TBC1D16: variants seen among roughly 807,000 people sequenced by gnomAD.
TBC1D16 encodes the protein CTD-2529O21.1.
TBC1D16 carries 58 observed loss-of-function variants against 74.7 expected under a neutral mutation model. The observed-to-expected ratio is 0.78, with a 90% CI of 0.63 to 0.97. The LOEUF is 0.97. Among genes scored for constraint, TBC1D16 ranks in the 50% least tolerant of loss-of-function variants. The pLI is 0.00. For missense variants in TBC1D16, 1,014 were observed against 1,079.5 expected, an observed-to-expected ratio of 0.94 and a Z score of 0.85; for synonymous variants, 493 against 474.7, an observed-to-expected ratio of 1.04 and a Z score of -0.50.
In TBC1D16 at chr17:79,960,518, A is replaced by G. The variant is rs1298834250; in HGVS notation, c.780-7700T>C. Reference sequence around the variant, plus strand: ...AGCTTGTAATCCCAGCATTTTGGGAAGCTGAGGCGGGTGGGTCACCTGAGC... The same window carrying G: ...AGCTTGTAATCCCAGCATTTTGGGAGGCTGAGGCGGGTGGGTCACCTGAGC... On this transcript the variant is annotated intron_variant, in intron 3 of 11. Coordinates refer to ENST00000310924, the MANE Select transcript of TBC1D16 (RefSeq NM_019020.4). Among the ~76,000 whole-genome samples the G allele has an allele frequency of 2.6e-5, 4 of 152,168 alleles. No individual in the cohort carries two copies. The East Asian group carries it at 7.7e-4, about 29-fold the overall frequency.
Position 79,941,928 on chromosome 17 carries a change from G to C in TBC1D16, c.2055+132C>G. On this transcript the variant is annotated intron_variant, in intron 11 of 11. Transcript: ENST00000310924. This position sits in a 1 kb window ranked among gnomAD's most constrained non-coding sequence, Gnocchi z 4.3. ...ATGGGTGGGGGAGGGCACGTGCTGGGGGGCCATGGTGGGGATGGGGCTCTG... is the reference window on the plus strand; with the variant it reads ...ATGGGTGGGGGAGGGCACGTGCTGGCGGGCCATGGTGGGGATGGGGCTCTG... The C allele has an allele frequency of 3.8e-6, 3 of 799,376 alleles. No homozygotes were observed. The highest frequency in any genetic ancestry group is 4.0e-6 in the Non-Finnish European group (2 of 502,072). 49.5% of individuals were successfully genotyped at this position (799,376 alleles called of 1,614,324 possible).
At chr17:80,017,197 ACT>A (rs1243764434) in intron 1 of TBC1D16, among the ~76,000 whole-genome samples, 2 of 151,244 alleles carry the variant, frequency 1.3e-5, no homozygotes, top group Non-Finnish European at 2.9e-5. Context: ...AATGCTTTGG[ACT>A]CTCTGGGCCG....
intron 1 of TBC1D16, among the ~76,000 whole-genome samples, chr17:80,026,952 G>A (rs965638218): frequency 3.6e-5 from 5 of 140,054 alleles, no homozygotes; most frequent in African/African-American, 9.9e-5. Context: ...GAACAGAGGC[G>A]GGGGCAGCCA....
At chr17:79,998,922 A>G (rs2035378367) in intron 3 of TBC1D16, among the ~76,000 whole-genome samples, 1 of 152,208 alleles carries the variant, frequency 6.6e-6, no homozygotes, top group South Asian at 2.1e-4. Flanking sequence ...TTCACAACAC[A>G]TGAAAATTAT....
At chr17:79,949,137 G>A (rs1293406346) in intron 7 of TBC1D16, 131 bp from the exon 8 acceptor site, 49 of 1,206,456 alleles carry the variant, frequency 4.1e-5, no homozygotes, top group East Asian at 7.2e-5. Context: ...GGCTGCTGCC[G>A]GCTGCAGACC....
chr17:79,950,815 G>GCCC lies in TBC1D16; in HGVS notation c.1090-240_1090-238dup. ...CTCCTCCCCGGCCCACTGTGCCGCCGCCCCCCACTCTCTCCAACCCCAGCC... is the reference window on the plus strand; with the variant it reads ...CTCCTCCCCGGCCCACTGTGCCGCCGCCCCCCCCCACTCTCTCCAACCCCAGCC... On this transcript the variant is annotated intron_variant, in intron 5 of 11. Transcript: ENST00000310924. This position sits in a 1 kb window ranked among gnomAD's most constrained non-coding sequence, Gnocchi z 4.6. 6.5e-7 allele frequency: 1 copy of GCCC among 1,534,964 alleles called. No homozygotes were observed. Among genetic ancestry groups the GCCC allele is most frequent in the Non-Finnish European group, 8.7e-7 (1 of 1,146,242 alleles).
Position 79,961,090 on chromosome 17 carries a change from G to A in TBC1D16, c.780-8272C>T, listed in dbSNP as rs1021488102. The stretch of plus-strand genomic sequence containing the variant: ...ATGACACAAACGTCTTTCAGCTGGT[G>A]AATGGCTAAACAAACAATGGTACAT... On this transcript the variant is annotated intron_variant, in intron 3 of 11. Transcript: ENST00000310924. This position sits in a 1 kb window ranked among gnomAD's most constrained non-coding sequence, Gnocchi z 4.8. Among the ~76,000 whole-genome samples the A allele has an allele frequency of 1.3e-5, 2 of 152,214 alleles. No individual in the cohort carries two copies. The highest frequency in any genetic ancestry group is 4.8e-5 in the African/African-American group (2 of 41,446).
intron 2 of TBC1D16, among the ~76,000 whole-genome samples, chr17:80,012,652 C>T (rs1324307432): frequency 6.6e-6 from 1 of 152,092 alleles, no homozygotes; most frequent in Non-Finnish European, 1.5e-5. Flanking sequence ...TTCAAGCAAT[C>T]CTCCCACCTC....
At position 79,950,320 on chromosome 17, in the gene TBC1D16, G is replaced by A; in HGVS notation, c.1257+91C>T. On this transcript the variant is annotated intron_variant, in intron 6 of 11. Transcript: ENST00000310924. The surrounding 1 kb of genome is among the most constrained non-coding windows in gnomAD (Gnocchi z 4.6). The stretch of plus-strand genomic sequence containing the variant: ...AGGAGGTGGCCCGTGGGTGCGGGCG[G>A]GCGGCCAGGCCCCGGCCCTCCTTCC... The A allele has an allele frequency of 1.4e-6, 2 of 1,429,490 alleles. No homozygotes were observed. The highest frequency in any genetic ancestry group is 2.9e-5 in the South Asian group (2 of 68,996). 88.6% of individuals were successfully genotyped at this position (1,429,490 alleles called of 1,614,324 possible).
At position 79,950,804 on chromosome 17, in the gene TBC1D16, A is replaced by G. The variant is rs2032996824; in HGVS notation, c.1090-226T>C. 2 of 1,535,608 alleles carry G rather than the reference A, an allele frequency of 1.3e-6. No individual in the cohort carries two copies. Among genetic ancestry groups the G allele is most frequent in the African/African-American group, 2.7e-5 (2 of 73,022 alleles). ...TCTGCGGCTCTCTCCTCCCCGGCCC[A>G]CTGTGCCGCCGCCCCCCACTCTCTC... On this transcript the variant is annotated intron_variant, in intron 5 of 11. Coordinates refer to ENST00000310924, the MANE Select transcript of TBC1D16 (RefSeq NM_019020.4). The surrounding 1 kb of genome is among the most constrained non-coding windows in gnomAD (Gnocchi z 4.6).
intron 1 of TBC1D16, among the ~76,000 whole-genome samples, chr17:80,032,264 A>G (rs541441504): frequency 1.3e-5 from 2 of 152,330 alleles, no homozygotes; most frequent in East Asian, 3.9e-4. Context: ...CATACAGGCA[A>G]GCAGACACAT....
rs561453088 is a variant in TBC1D16, at chr17:79,953,873, C to T, written c.780-1055G>A. Among the ~76,000 whole-genome samples the T allele has an allele frequency of 2.0e-5, 3 of 151,902 alleles. No homozygotes were observed. The East Asian group carries it at 5.8e-4, about 29-fold the overall frequency. On this transcript the variant is annotated intron_variant, in intron 3 of 11. Coordinates refer to ENST00000310924, the MANE Select transcript of TBC1D16 (RefSeq NM_019020.4). ...GCCACTTCTGCCTTCCGGGTTCAAG[C>T]GATTCTCCTGCCTCAGCCTCCTGAG...
intron 3 of TBC1D16, among the ~76,000 whole-genome samples, chr17:79,976,957 G>A (rs2034356248): frequency 6.6e-6 from 1 of 152,194 alleles, no homozygotes; most frequent in Non-Finnish European, 1.5e-5. Context: ...AGGGAACACG[G>A]GATGGGGCAG....
rs367701496 is a variant in TBC1D16, at chr17:79,978,530, C to A, written c.780-25712G>T. Among the ~76,000 whole-genome samples, 55 of 152,328 alleles carry A rather than the reference C, an allele frequency of 3.6e-4. 1 individual carries two copies. The East Asian group carries it at 9.1e-3, about 25-fold the overall frequency. On this transcript the variant is annotated intron_variant, in intron 3 of 11. Transcript: ENST00000310924. The stretch of plus-strand genomic sequence containing the variant: ...AGAGAATGTACCAGGCCTTTGAGTG[C>A]TGTTTCTGTTTTAATTTTTTCTTAG...
At position 79,944,366 on chromosome 17, in the gene TBC1D16, G is replaced by C. The variant is rs767177689; in HGVS notation, c.1908+542C>G. On this transcript the variant is annotated intron_variant, in intron 10 of 11. Transcript: ENST00000310924. This position sits in a 1 kb window ranked among gnomAD's most constrained non-coding sequence, Gnocchi z 7.7. ...GTTTGGGCGTTAAGGCCATGTGACA[G>C]AGCCAGTGCTGTGCTCCAAGGGGAA... 6.6e-6 allele frequency among the ~76,000 whole-genome samples: 1 copy of C among 152,228 alleles called. No homozygotes were observed. Among genetic ancestry groups the C allele is most frequent in the African/African-American group, 2.4e-5 (1 of 41,458 alleles).
chr17:79,938,014 C>T lies in TBC1D16; in HGVS notation c.*2845G>A, dbSNP rs1022252942. The T allele has an allele frequency of 1.3e-5, 2 of 152,208 alleles. No homozygotes were observed. The highest frequency in any genetic ancestry group is 4.8e-5 in the African/African-American group (2 of 41,448). 9.4% of individuals were successfully genotyped at this position (152,208 alleles called of 1,614,324 possible). ...AATAAGCAGCATTGCTGAGGATGGC[C>T]GTGCAGGGCTGATTATCCCCTATTT... On this transcript the variant is annotated 3_prime_UTR_variant, in exon 12 of 12. Transcript: ENST00000310924.
intron 1 of TBC1D16, among the ~76,000 whole-genome samples, chr17:80,024,303 C>CACA (rs2036406241): frequency 2.4e-4 from 1 of 4,218 alleles, no homozygotes; most frequent in Non-Finnish European, 7.2e-4. Context: ...ACCATAGACC[C>CACA]CACACCACGC....
rs2035790103 is a variant in TBC1D16, at chr17:80,009,268, GA to G, written c.779+891del. 1.3e-5 allele frequency among the ~76,000 whole-genome samples: 2 copies of G among 152,342 alleles called. No individual in the cohort carries two copies. The highest frequency in any genetic ancestry group is 4.8e-5 in the African/African-American group (2 of 41,584). ...TGTGGTCACCACCATTATTTGCCCA[GA>G]AATCTAATGAGCGTAAGGACCACAG... On this transcript the variant is annotated intron_variant, in intron 3 of 11. Coordinates refer to ENST00000310924, the MANE Select transcript of TBC1D16 (RefSeq NM_019020.4). This position sits in a 1 kb window ranked among gnomAD's most constrained non-coding sequence, Gnocchi z 5.4.
intron 9 of TBC1D16, among the ~76,000 whole-genome samples, chr17:79,945,825 G>A (rs995645879): frequency 1.3e-5 from 2 of 152,368 alleles, no homozygotes; most frequent in South Asian, 2.1e-4. Flanking sequence ...GCTTGGCTGG[G>A]TTCAGCCCCC....
Sources: gnomAD v4.1 joint callset for allele counts (sites outside exome capture counted in the v4.1 genomes callset) on GRCh38, gnomAD v4.1.1 for gene constraint, Gnocchi (gnomAD v3.1) non-coding constraint, MANE v1.5 for transcripts, NCBI Gene and HGNC (gene_info 2026-07-23, HGNC 2026-07-21) for gene names.